The following LEKR1 variants were observed in gnomAD, a reference collection of about 807,000 sequenced individuals.
LEKR1 encodes the protein leucine, glutamate and lysine rich 1, also known as protein LEKR1.
In LEKR1, 59 loss-of-function variants were observed where a neutral mutation model predicts 72.4. That is an observed-to-expected ratio of 0.82 (90% CI 0.66 to 1.01). The LOEUF (loss-of-function observed/expected upper bound fraction) is 1.01, where lower values mean the gene tolerates loss of function less well. Ranked by LOEUF, LEKR1 falls within the 50% of genes least tolerant of loss-of-function variation. LEKR1 has a pLI of 0.00. For synonymous variants in LEKR1, 257 were observed against 263.2 expected, an observed-to-expected ratio of 0.98 and a Z score of 0.23; for missense variants, 728 against 759.2, an observed-to-expected ratio of 0.96 and a Z score of 0.48.
intron 9 of LEKR1, among the ~76,000 whole-genome samples, chr3:157,006,166 C>T (rs948045005): frequency 1.1e-4 from 16 of 151,710 alleles, no homozygotes; most frequent in South Asian, 2.1e-4. Context: ...CCACCGCGCC[C>T]GGCTAATTTT....
intron 10 of LEKR1, chr3:157,017,292 G>A (rs1031812109): frequency 6.6e-6 from 1 of 152,190 alleles, no homozygotes; most frequent in Non-Finnish European, 1.5e-5. Flanking sequence ...GTTTATCTTG[G>A]ATAAAAATGC....
At chr3:156,977,136 T>C (rs1394068666) in intron 6 of LEKR1, among the ~76,000 whole-genome samples, 1 of 152,180 alleles carries the variant, frequency 6.6e-6, no homozygotes, top group African/African-American at 2.4e-5. Flanking sequence ...CTCTCTTCTC[T>C]GGGCATGCAG....
intron 12 of LEKR1, among the ~76,000 whole-genome samples, chr3:157,037,367 G>T (rs1235245853): frequency 6.6e-6 from 1 of 152,028 alleles, no homozygotes; most frequent in African/African-American, 2.4e-5. Flanking sequence ...TAATAGAAAG[G>T]AATAAAGTAT....
rs767741523 is a variant in LEKR1 at position 156,942,753 on chromosome 3, T to C, written c.745+39T>C. On this transcript the variant is annotated intron_variant, in intron 6 of 12. Coordinates refer to ENST00000356539, the MANE Select transcript of LEKR1 (RefSeq NM_001004316.3). ...TTTTGCTGTTTTTGGTGACTAGTTA[T>C]ATAAGTACATGAATAAATGTTTACA... 3.6e-5 allele frequency: 31 copies of C among 869,516 alleles called. No individual in the cohort carries two copies. The South Asian group carries it at 4.6e-4, about 13-fold the overall frequency. 53.9% of individuals were successfully genotyped at this position (869,516 alleles called of 1,614,324 possible).
chr3:156,964,269 C>A (rs1342084694), intron 6 of LEKR1, among the ~76,000 whole-genome samples: 2 of 151,856 alleles, frequency 1.3e-5, no homozygotes, highest in Non-Finnish European at 2.9e-5. Context: ...CGTACCCTTC[C>A]CCCCTCCTAT....
intron 3 of LEKR1, among the ~76,000 whole-genome samples, chr3:156,918,238 G>T (rs1484978323): frequency 6.6e-6 from 1 of 152,070 alleles, no homozygotes; most frequent in Non-Finnish European, 1.5e-5. Context: ...GTATAGGAGG[G>T]TCAATTCTTA....
At chr3:156,949,385 G>A (rs917127422) in intron 6 of LEKR1, among the ~76,000 whole-genome samples, 256 of 151,706 alleles carry the variant, frequency 1.7e-3, no homozygotes, top group Non-Finnish European at 3.1e-3. Context: ...CATATGGCTA[G>A]CCAGTTATCC....
intron 2 of LEKR1, among the ~76,000 whole-genome samples, chr3:156,832,327 C>CAG (rs1240074785): frequency 3.9e-5 from 6 of 152,138 alleles, no homozygotes; most frequent in Non-Finnish European, 1.5e-5. Context: ...GGGTCATTAG[C>CAG]AGAGACTCAA....
chr3:156,883,700 T>C (rs1297783408), intron 3 of LEKR1, among the ~76,000 whole-genome samples: 1 of 152,210 alleles, frequency 6.6e-6, no homozygotes, highest in Non-Finnish European at 1.5e-5. Flanking sequence ...TTCTCTCTTG[T>C]CTGCTGCCAT....
At chr3:156,860,855 G>GT (rs1716682021) in intron 3 of LEKR1, among the ~76,000 whole-genome samples, 2 of 152,266 alleles carry the variant, frequency 1.3e-5, no homozygotes, top group Non-Finnish European at 2.9e-5. Context: ...GTCTTGCTCA[G>GT]TAAGTAGGCT....
At chr3:156,917,686 G>A (rs1489525952) in intron 3 of LEKR1, among the ~76,000 whole-genome samples, 2 of 152,086 alleles carry the variant, frequency 1.3e-5, no homozygotes, top group East Asian at 3.8e-4. Context: ...AAAATAACAT[G>A]TTCAGACATC....
At chr3:156,856,753 CATTGA>C (rs1392508782) in intron 3 of LEKR1, among the ~76,000 whole-genome samples, 2 of 151,970 alleles carry the variant, frequency 1.3e-5, no homozygotes, top group Admixed American at 6.6e-5. Context: ...CTAGCTTCCT[CATTGA>C]ATTCTTTTAT....
intron 3 of LEKR1, among the ~76,000 whole-genome samples, chr3:156,857,321 C>A (rs1043761182): frequency 1.3e-5 from 2 of 152,028 alleles, no homozygotes; most frequent in African/African-American, 4.8e-5. Flanking sequence ...ATTTGCTTGC[C>A]TTCTTCATGA....
chr3:156,928,450 T>TA lies in LEKR1; in HGVS notation c.559+852dup, dbSNP rs560222973. On this transcript the variant is annotated intron_variant, in intron 5 of 12. Transcript: ENST00000356539. Reference sequence around the variant, plus strand: ...TTTTCCTGTGAACCTAAAACTGTTCTAAAAAATAGTCCATTAAAGGTTTTT... The same window carrying TA: ...TTTTCCTGTGAACCTAAAACTGTTCTAAAAAAATAGTCCATTAAAGGTTTTT... Among the ~76,000 whole-genome samples, 58 of 152,182 alleles carry TA rather than the reference T, an allele frequency of 3.8e-4. No homozygotes were observed. In the East Asian group the frequency reaches 4.4e-3, roughly 12 times the overall value.
chr3:156,841,329 A>G lies in LEKR1; in HGVS notation c.49-11439A>G, dbSNP rs13067217. On this transcript the variant is annotated intron_variant, in intron 2 of 12. Coordinates refer to ENST00000356539, the MANE Select transcript of LEKR1 (RefSeq NM_001004316.3). Reference sequence around the variant, plus strand: ...AGTGTTTTGAAAATATAAAATATGTATTTATTTTTATAAGGTTTTTATGAG... The same window carrying G: ...AGTGTTTTGAAAATATAAAATATGTGTTTATTTTTATAAGGTTTTTATGAG... 9.5e-3 allele frequency among the ~76,000 whole-genome samples: 1,440 copies of G among 152,318 alleles called. 10 individuals are homozygous for G. Among genetic ancestry groups the G allele is most frequent in the Non-Finnish European group, 0.014 (968 of 68,016 alleles).
At chr3:156,952,965 A>G (rs1446107236) in intron 6 of LEKR1, among the ~76,000 whole-genome samples, 2 of 151,576 alleles carry the variant, frequency 1.3e-5, no homozygotes, top group African/African-American at 4.8e-5. Flanking sequence ...AGAAAGGAAG[A>G]TACATAACAT....
At chr3:157,029,820 T>C (rs1734474000) in intron 12 of LEKR1, among the ~76,000 whole-genome samples, 1 of 152,048 alleles carries the variant, frequency 6.6e-6, no homozygotes, top group Non-Finnish European at 1.5e-5. Flanking sequence ...GACAGAAAGA[T>C]TGAGGCAACT....
At chr3:156,897,969 AG>A (rs148022487) in intron 3 of LEKR1, among the ~76,000 whole-genome samples, 3 of 151,750 alleles carry the variant, frequency 2.0e-5, no homozygotes, top group Non-Finnish European at 1.5e-5. Context: ...AAAAAAAAAA[AG>A]AAATTGTGGA....
intron 11 of LEKR1, among the ~76,000 whole-genome samples, chr3:157,025,196 T>C (rs1242518254): frequency 8.5e-5 from 13 of 152,184 alleles, no homozygotes. Context: ...TGACTAAAAA[T>C]TAGTACGGCT....
Sources: allele counts gnomAD v4.1 joint callset (sites outside exome capture counted in the v4.1 genomes callset), GRCh38; gene constraint gnomAD v4.1.1; transcripts MANE v1.5; gene names NCBI Gene and HGNC (gene_info 2026-07-23, HGNC 2026-07-21).